The following SAMD3 variants were observed in gnomAD, a reference collection of about 807,000 sequenced individuals.
SAMD3 encodes sterile alpha motif domain containing 3.
SAMD3 carries 63 observed loss-of-function variants against 58.5 expected under a neutral mutation model. That is an observed-to-expected ratio of 1.08 (90% CI 0.88 to 1.33). The LOEUF is 1.33. Among genes scored for constraint, SAMD3 ranks in the 40% most tolerant of loss-of-function variants. SAMD3 has a pLI of 0.00. For missense variants in SAMD3, 604 were observed against 608.4 expected (o/e 0.99, Z 0.08); for synonymous variants, 220 against 210.3 (o/e 1.05, Z -0.40).
chr6:130,312,402 A>G (rs1275860491), intron 2 of SAMD3, among the ~76,000 whole-genome samples: 1 of 152,210 alleles, frequency 6.6e-6, no homozygotes, highest in Non-Finnish European at 1.5e-5. Context: ...GTACCGTTAC[A>G]CGGTGCTCTT....
At chr6:130,323,119 AAAT>A (rs1259014487) in intron 1 of SAMD3, among the ~76,000 whole-genome samples, 4 of 152,224 alleles carry the variant, frequency 2.6e-5, no homozygotes, top group African/African-American at 9.6e-5. Context: ...TGTTCATAAT[AAAT>A]ATAATGTTTT....
chr6:130,272,016 A>G (rs756411486), intron 2 of SAMD3, among the ~76,000 whole-genome samples: 3 of 152,210 alleles, frequency 2.0e-5, no homozygotes, highest in Non-Finnish European at 4.4e-5. Flanking sequence ...GGACACAGCC[A>G]AACCATCATC....
intron 1 of SAMD3, among the ~76,000 whole-genome samples, chr6:130,321,185 C>T (rs1320012436): frequency 6.6e-6 from 1 of 152,218 alleles, no homozygotes; most frequent in Non-Finnish European, 1.5e-5. Context: ...TTACATCTTT[C>T]ATGCTCTGTA....
rs576030950 is a variant in SAMD3, at chr6:130,216,828, G to T, written c.-67-212C>A. On this transcript the variant is annotated intron_variant, in intron 1 of 11. Transcript: ENST00000439090. ...GGGTGTGAAAAGTCATTATTTGCGA[G>T]ACTCTGGTGTAAATTAAAAATCACA... 3.9e-5 allele frequency among the ~76,000 whole-genome samples: 6 copies of T among 152,278 alleles called. No homozygotes were observed. In the East Asian group the frequency reaches 1.2e-3, roughly 29 times the overall value.
intron 1 of SAMD3, among the ~76,000 whole-genome samples, chr6:130,357,786 CA>C (rs1777878202): frequency 6.6e-6 from 1 of 152,230 alleles, no homozygotes; most frequent in African/African-American, 2.4e-5. Context: ...TGCTACCTGA[CA>C]CACTTTATTA....
At chr6:130,210,664 G>A (rs1459608557) in intron 4 of SAMD3, among the ~76,000 whole-genome samples, 1 of 151,638 alleles carries the variant, frequency 6.6e-6, no homozygotes, top group Non-Finnish European at 1.5e-5. Context: ...CATTTGAATG[G>A]ACCCCTCCTC....
chr6:130,325,097 G>A (rs1776712404), intron 1 of SAMD3, among the ~76,000 whole-genome samples: 1 of 152,084 alleles, frequency 6.6e-6, no homozygotes, highest in South Asian at 2.1e-4. Context: ...TATCGAGCAG[G>A]TTTTTCCTTT....
chr6:130,197,697 G>T (rs745314939), intron 5 of SAMD3, among the ~76,000 whole-genome samples: 1 of 151,838 alleles, frequency 6.6e-6, no homozygotes, highest in Admixed American at 6.6e-5. Context: ...CCCTAATCCC[G>T]CTCGAAGCAG....
rs550866383 is a variant in SAMD3, at chr6:130,146,417, G to A, written c.1024-236C>T. On this transcript the variant is annotated intron_variant, in intron 9 of 11. Coordinates refer to ENST00000439090, the MANE Select transcript of SAMD3 (RefSeq NM_001017373.4). ...GGCATGGCAAATTTCTAAACCTACA[G>A]AACTAAAACTTTGGATGCAGACTCA... is the stretch of plus-strand genomic sequence containing the variant. Among the ~76,000 whole-genome samples, 20 of 152,138 alleles carry A rather than the reference G, an allele frequency of 1.3e-4. No homozygotes were observed. In the South Asian group the frequency reaches 3.9e-3, roughly 30 times the overall value.
intron 5 of SAMD3, among the ~76,000 whole-genome samples, chr6:130,203,709 A>G (rs1441114406): frequency 6.6e-6 from 1 of 152,248 alleles, no homozygotes; most frequent in East Asian, 1.9e-4. Flanking sequence ...GCACAGATGA[A>G]TAAGACTGGT....
chr6:130,326,968 G>T (rs923913821), intron 1 of SAMD3, among the ~76,000 whole-genome samples: 2 of 152,068 alleles, frequency 1.3e-5, no homozygotes, highest in Non-Finnish European at 2.9e-5. Context: ...TTAATAATTG[G>T]ATTTATAAAC....
rs558226239 is a variant in SAMD3, at chr6:130,190,528, G to A, written c.384-5905C>T. Among the ~76,000 whole-genome samples, 29 of 152,034 alleles carry A rather than the reference G, an allele frequency of 1.9e-4. 1 individual carries two copies. Among genetic ancestry groups the A allele is most frequent in the Admixed American group, 1.7e-3 (26 of 15,270 alleles). The stretch of plus-strand genomic sequence containing the variant: ...TTTAAAAGAAACAAATAGAAATTTA[G>A]AAGAAAAAAATACAAAATTTGAAAT... On this transcript the variant is annotated intron_variant, in intron 5 of 11. Transcript: ENST00000439090.
intron 4 of SAMD3, 34 bp downstream of exon 4, chr6:130,214,303 A>G (rs768351846): frequency 6.6e-5 from 95 of 1,449,734 alleles, no homozygotes; most frequent in Non-Finnish European, 7.9e-5. Context: ...AAAGCTTGGG[A>G]AAAAAAAATA....
intron 2 of SAMD3, among the ~76,000 whole-genome samples, chr6:130,267,013 A>G (rs1170432768): frequency 1.3e-5 from 2 of 152,208 alleles, no homozygotes; most frequent in African/African-American, 4.8e-5. Flanking sequence ...TGACTATTCT[A>G]GCCCGGTGAG....
intron 2 of SAMD3, among the ~76,000 whole-genome samples, chr6:130,259,670 G>A (rs942796516): frequency 1.6e-4 from 24 of 152,180 alleles, no homozygotes; most frequent in African/African-American, 5.3e-4. Flanking sequence ...CAGGTCAGAG[G>A]AGCACAAAAC....
At chr6:130,153,233 A>G (rs572984211) in intron 9 of SAMD3, among the ~76,000 whole-genome samples, 1 of 152,202 alleles carries the variant, frequency 6.6e-6, no homozygotes, top group South Asian at 2.1e-4. Flanking sequence ...TACTTTTCTA[A>G]CAGCCAGAGA....
At chr6:130,307,297 T>C (rs901434086) in intron 2 of SAMD3, among the ~76,000 whole-genome samples, 1 of 152,012 alleles carries the variant, frequency 6.6e-6, no homozygotes, top group African/African-American at 2.4e-5. Context: ...CTGCTGTTGC[T>C]GTCTTGGAGT....
upstream of SAMD3, among the ~76,000 whole-genome samples, chr6:130,225,935 C>A (rs940945371): frequency 2.0e-5 from 3 of 150,940 alleles, no homozygotes; most frequent in African/African-American, 7.5e-5. Context: ...TGGCTTAATC[C>A]TGGCTCCATT....
chr6:130,144,807 G>GA lies in SAMD3; in HGVS notation c.1279-4dup, dbSNP rs751126061. 2.2e-4 allele frequency: 348 copies of GA among 1,596,434 alleles called. No homozygotes were observed. Among genetic ancestry groups the GA allele is most frequent in the Admixed American group, 7.0e-4 (39 of 55,540 alleles). On this transcript the variant is annotated splice_region_variant and splice_polypyrimidine_tract_variant and intron_variant, in intron 11 of 11. Transcript: ENST00000439090. The stretch of plus-strand genomic sequence containing the variant: ...AACACAGGTGTGGACACTTGCACCT[G>GA]AAAAAAAGAGTGGAGTCATTACCAT...
Sources: gnomAD v4.1 joint callset for allele counts (sites outside exome capture counted in the v4.1 genomes callset) on GRCh38, gnomAD v4.1.1 for gene constraint, MANE v1.5 for transcripts, NCBI Gene and HGNC (gene_info 2026-07-23, HGNC 2026-07-21) for gene names.